The following PLXNB2 variants were observed in gnomAD, a reference collection of about 807,000 sequenced individuals.
PLXNB2 encodes the protein plexin-B2.
Under a neutral mutation model 202.6 loss-of-function variants are expected in PLXNB2, and 85 were observed. The ratio of observed to expected loss-of-function variants is 0.42; its 90% CI spans 0.35 to 0.50. The LOEUF is 0.50. Among genes scored for constraint, PLXNB2 ranks in the 20% least tolerant of loss-of-function variants. The pLI is 0.02. For synonymous variants in PLXNB2, 1,239 were observed against 1,137.6 expected (o/e 1.09, Z -1.79); for missense variants, 2,063 against 2,586.2 (o/e 0.80, Z 4.39).
In PLXNB2 at chr22:50,282,872, A is replaced by G. The variant is rs1443307485; in HGVS notation, c.2826T>C (p.Phe942=). The G allele has an allele frequency of 3.7e-6, 6 of 1,608,906 alleles. No individual in the cohort carries two copies. In the African/African-American group the frequency reaches 8.0e-5, roughly 22 times the overall value. The stretch of plus-strand genomic sequence containing the variant: ...CAGTGACACACTGGAGCTGCGCCCC[A>G]AACTTCGTCCTGGGGGAGGGAGGGT... ...LNGVPCKVTK[F]GAQLQCVTGP... The change falls in exon 18 of 37, where the codon TTT becomes TTC. Residue 942 remains phenylalanine (F), a synonymous_variant. Transcript: ENST00000359337.
intron 16 of PLXNB2, 51 bp from the exon 17 acceptor site, chr22:50,283,237 C>G: frequency 6.3e-7 from 1 of 1,599,058 alleles, no homozygotes; most frequent in Non-Finnish European, 8.5e-7. Flanking sequence ...AGGACGCCCT[C>G]GGTCCTGGGC....
intron 1 of PLXNB2, among the ~76,000 whole-genome samples, chr22:50,307,240 G>C (rs921728827): frequency 6.6e-6 from 1 of 152,010 alleles, no homozygotes; most frequent in Non-Finnish European, 1.5e-5. Context: ...CTCGGCGCAC[G>C]GAGCTCGGCG....
In PLXNB2 at chr22:50,280,506, G is replaced by T. The variant is rs1329717318; in HGVS notation, c.4158C>A (p.Pro1386=). ...LLEQYVVAKN[P]KLMLRRSETV... ...ATGTGCACCTGCGCAGCATCAGCTT[G>T]GGGTTCTTGGCCACCACGTACTGCT... is the stretch of plus-strand genomic sequence containing the variant. The change falls in exon 25 of 37, where the codon CCC becomes CCA. Residue 1386 remains proline (P), a synonymous_variant. Transcript: ENST00000359337. 6.2e-7 allele frequency: 1 copy of T among 1,609,232 alleles called. No homozygotes were observed. Among genetic ancestry groups the T allele is most frequent in the Admixed American group, 1.7e-5 (1 of 59,984 alleles).
In PLXNB2 at chr22:50,289,058, G is replaced by A. The variant is rs749626511; in HGVS notation, c.1153C>T (p.Leu385=). 13 of 1,606,982 alleles carry A rather than the reference G, an allele frequency of 8.1e-6. No homozygotes were observed. Among genetic ancestry groups the A allele is most frequent in the South Asian group, 1.1e-5 (1 of 90,948 alleles). Residue 385 remains leucine, a synonymous_variant, in exon 4 of 37, where the codon CTG becomes TTG. Coordinates refer to ENST00000359337, the MANE Select transcript of PLXNB2 (RefSeq NM_012401.4). The surrounding 1 kb of genome is among the most constrained non-coding windows in gnomAD (Gnocchi z 8.0). ...GTGAGGTTCAGGCCTCCACGCTGCAGCACGGCTGTGCCTCTGAGCCCGTCG... is the reference window on the plus strand; with the variant it reads ...GTGAGGTTCAGGCCTCCACGCTGCAACACGGCTGTGCCTCTGAGCCCGTCG... ...SRDGLRGTAV[L]QRGGLNLTAV...
At chr22:50,300,264 G>T in intron 1 of PLXNB2, 3 of 985,278 alleles carry the variant, frequency 3.0e-6, no homozygotes, top group Non-Finnish European at 3.6e-6. Flanking sequence ...CGTCGTCCCC[G>T]CGGGGCGCTC....
intron 2 of PLXNB2, among the ~76,000 whole-genome samples, chr22:50,293,182 G>A (rs557651570): frequency 6.6e-6 from 1 of 152,346 alleles, no homozygotes; most frequent in Non-Finnish European, 1.5e-5. Flanking sequence ...TGATCCTGGT[G>A]GAGGGGGTTC....
chr22:50,302,014 A>AAG (rs1326307828), intron 1 of PLXNB2, among the ~76,000 whole-genome samples: 1 of 152,222 alleles, frequency 6.6e-6, no homozygotes, highest in Non-Finnish European at 1.5e-5. Context: ...CCTGGGAGAG[A>AAG]AGCCTCAGGC....
intron 1 of PLXNB2, among the ~76,000 whole-genome samples, chr22:50,296,590 CAA>C (rs34197202): frequency 1.4e-3 from 80 of 56,424 alleles, no homozygotes; most frequent in East Asian, 7.2e-3. Context: ...GACTCTGTCT[CAA>C]AAAAAAAAAA....
intron 24 of PLXNB2, 30 bp downstream of exon 24, chr22:50,280,714 G>GCCCGCCCC: frequency 6.5e-7 from 1 of 1,528,948 alleles, no homozygotes; most frequent in Non-Finnish European, 8.9e-7. Context: ...CCACCTGTGT[G>GCCCGCCCC]CCCTCCCGCC....
intron 8 of PLXNB2, among the ~76,000 whole-genome samples, chr22:50,286,580 C>T (rs1308746080): frequency 6.6e-6 from 1 of 152,228 alleles, no homozygotes; most frequent in Non-Finnish European, 1.5e-5. Context: ...GTCCAGGTTG[C>T]TTTCATACCC....
intron 1 of PLXNB2, among the ~76,000 whole-genome samples, chr22:50,301,134 G>A (rs1242089456): frequency 1.3e-5 from 2 of 152,192 alleles, no homozygotes; most frequent in Non-Finnish European, 2.9e-5. Context: ...GCATCTGGAG[G>A]ATGGTCCTCC....
rs2066315112 is a variant in PLXNB2, at chr22:50,284,972, G to A, written c.2089-307C>T. ...GCCCCCACAGCTCCCTCCTCAGGAG[G>A]TGGCACTGGCCCCTCAATCTCCACA... On this transcript the variant is annotated intron_variant, in intron 11 of 36. Transcript: ENST00000359337. This position sits in a 1 kb window ranked among gnomAD's most constrained non-coding sequence, Gnocchi z 8.0. 2.0e-6 allele frequency: 1 copy of A among 511,250 alleles called. No individual in the cohort carries two copies. The highest frequency in any genetic ancestry group is 1.7e-5 in the South Asian group (1 of 59,344). 31.7% of individuals were successfully genotyped at this position (511,250 alleles called of 1,614,324 possible).
chr22:50,283,101 G>A lies in PLXNB2; in HGVS notation c.2765C>T (p.Thr922Met), dbSNP rs868423887. The change falls in exon 17 of 37, where the codon ACG becomes ATG. Residue 922 changes from threonine (T) to methionine (M), a missense_variant. By Grantham distance (81) the Thr-to-Met change is moderately conservative. Around this residue, in one of 2 missense-constraint regions of PLXNB2, gnomAD observed 1,303 missense variants for 1,476.8 expected, o/e 0.88. Coordinates refer to ENST00000359337, the MANE Select transcript of PLXNB2 (RefSeq NM_012401.4). ...TLTIHGTHLD[T>M]GSQEDVRVTL... The stretch of plus-strand genomic sequence containing the variant: ...CACCCGCACGTCCTCCTGGGAGCCC[G>A]TGTCCAGGTGGGTGCCGTGGATGGT... 1.9e-6 allele frequency: 3 copies of A among 1,606,186 alleles called. No homozygotes were observed. The highest frequency in any genetic ancestry group is 2.5e-6 in the Non-Finnish European group (3 of 1,177,066).
intron 1 of PLXNB2, among the ~76,000 whole-genome samples, chr22:50,305,017 C>T (rs149656109): frequency 4.6e-5 from 7 of 152,344 alleles, no homozygotes; most frequent in Non-Finnish European, 8.8e-5. Flanking sequence ...GTGAGAACTC[C>T]CAGCTCAGGG....
Position 50,289,412 on chromosome 22 carries a change from A to T in PLXNB2, c.1068+105T>A. ...GCAAGCGCCCAGGCTGGCGAGAGCC[A>T]CGGCCACACTGCTCACGTGCACCCT... is the stretch of plus-strand genomic sequence containing the variant. On this transcript the variant is annotated intron_variant, in intron 3 of 36. Coordinates refer to ENST00000359337, the MANE Select transcript of PLXNB2 (RefSeq NM_012401.4). The surrounding 1 kb of genome is among the most constrained non-coding windows in gnomAD (Gnocchi z 8.0). The T allele has an allele frequency of 7.2e-7, 1 of 1,386,610 alleles. No individual in the cohort carries two copies. 85.9% of individuals were successfully genotyped at this position (1,386,610 alleles called of 1,614,324 possible).
intron 7 of PLXNB2, 66 bp downstream of exon 7, chr22:50,287,601 G>C: frequency 7.0e-7 from 1 of 1,433,692 alleles, no homozygotes; most frequent in Non-Finnish European, 9.4e-7. Context: ...ACAGCTCCCA[G>C]CATGGGGGAG....
chr22:50,284,484 C>G lies in PLXNB2; in HGVS notation c.2181+89G>C, dbSNP rs1468260889. The G allele has an allele frequency of 1.9e-5, 19 of 1,007,840 alleles. No homozygotes were observed. Among genetic ancestry groups the G allele is most frequent in the Non-Finnish European group, 2.7e-5 (18 of 662,776 alleles). 62.4% of individuals were successfully genotyped at this position (1,007,840 alleles called of 1,614,324 possible). A position where few individuals can be genotyped will look rare whatever the true frequency, so the allele number is the denominator to read the frequency against. ...TCTGGTCCCTGGGGTCTCCCTGCTGCCCCTCCCCTCACAGTCCTGAAGGTG... is the reference window on the plus strand; with the variant it reads ...TCTGGTCCCTGGGGTCTCCCTGCTGGCCCTCCCCTCACAGTCCTGAAGGTG... On this transcript the variant is annotated intron_variant, in intron 12 of 36. Coordinates refer to ENST00000359337, the MANE Select transcript of PLXNB2 (RefSeq NM_012401.4). This position sits in a 1 kb window ranked among gnomAD's most constrained non-coding sequence, Gnocchi z 8.0.
chr22:50,285,533 G>A (rs1161425580), intron 11 of PLXNB2, among the ~76,000 whole-genome samples: 1 of 6,138 alleles, frequency 1.6e-4, no homozygotes, highest in Non-Finnish European at 3.1e-4. Flanking sequence ...GCCTGTCACC[G>A]GCCGGCACCC....
rs1007779940 is a variant in PLXNB2 at position 50,282,787 on chromosome 22, G to A, written c.2911C>T (p.Pro971Ser). 2 of 1,605,774 alleles carry A rather than the reference G, an allele frequency of 1.2e-6. No individual in the cohort carries two copies. Among genetic ancestry groups the A allele is most frequent in the African/African-American group, 1.4e-5 (1 of 72,850 alleles). Residue 971 changes from proline (P) to serine (S), a missense_variant, in exon 18 of 37, where the codon CCC becomes TCC. Coordinates refer to ENST00000359337, the MANE Select transcript of PLXNB2 (RefSeq NM_012401.4). The part of the protein sequence containing the change: ...LEVSYGGSPV[P>S]NPGIFFTYRE... ...TAGGTGAAGAAGATGCCGGGGTTGGGCACGGGGGACCCCCCGTAGGAGACC... is the reference window on the plus strand; with the variant it reads ...TAGGTGAAGAAGATGCCGGGGTTGGACACGGGGGACCCCCCGTAGGAGACC...
Sources: gnomAD v4.1 joint callset for allele counts (sites outside exome capture counted in the v4.1 genomes callset) on GRCh38, gnomAD v4.1.1 for gene constraint, gnomAD v4.1.1 regional missense constraint, Gnocchi (gnomAD v3.1) non-coding constraint, MANE v1.5 for transcripts, NCBI Gene and HGNC (gene_info 2026-07-23, HGNC 2026-07-21) for gene names.